GRIA4: variants seen among roughly 807,000 people sequenced by gnomAD.
GRIA4 encodes the protein glutamate receptor 4.
A neutral mutation model predicts 104.0 loss-of-function variants in GRIA4; 34 were observed. The observed-to-expected ratio is 0.33, with a 90% CI of 0.25 to 0.44. GRIA4 has a LOEUF of 0.44. Ranked by LOEUF, GRIA4 falls within the 20% of genes least tolerant of loss-of-function variation. The pLI is 1.00. For missense variants in GRIA4, 750 were observed against 1,096.5 expected, an observed-to-expected ratio of 0.68 and a Z score of 4.46; for synonymous variants, 386 against 381.9, an observed-to-expected ratio of 1.01 and a Z score of -0.13.
At chr11:105,666,375 AAGG>A (rs1361835658) in intron 3 of GRIA4, among the ~76,000 whole-genome samples, 3 of 151,978 alleles carry the variant, frequency 2.0e-5, no homozygotes, top group Admixed American at 6.6e-5. Flanking sequence ...ATGGAGAGGT[AAGG>A]AAAAGACAAG....
rs146629640 is a variant in GRIA4, at chr11:105,688,289, C to T, written c.248-64692C>T. On this transcript the variant is annotated intron_variant, in intron 3 of 16. Transcript: ENST00000282499. ...AAAATAAAGTGGTGGCTGGGCACGGCGGCTCACACCTGTAATCCCAGCACT... is the reference window on the plus strand; with the variant it reads ...AAAATAAAGTGGTGGCTGGGCACGGTGGCTCACACCTGTAATCCCAGCACT... 1.1e-3 allele frequency among the ~76,000 whole-genome samples: 174 copies of T among 152,028 alleles called. 2 individuals are homozygous for T. The East Asian group carries it at 0.03, about 26-fold the overall frequency.
chr11:105,705,978 T>C (rs1314856020), intron 3 of GRIA4, among the ~76,000 whole-genome samples: 1 of 152,210 alleles, frequency 6.6e-6, no homozygotes, highest in Non-Finnish European at 1.5e-5. Flanking sequence ...TTGCAAAATA[T>C]TGGAAATGAA....
intron 10 of GRIA4, chr11:105,913,049 TTA>T (rs1256413965): frequency 5.6e-6 from 5 of 892,806 alleles, no homozygotes; most frequent in Non-Finnish European, 6.7e-6. Context: ...ATGTTCTTAT[TTA>T]TATGTTGATA....
intron 3 of GRIA4, among the ~76,000 whole-genome samples, chr11:105,673,488 A>T (rs1284323381): frequency 2.0e-5 from 3 of 152,162 alleles, no homozygotes; most frequent in Admixed American, 6.6e-5. Context: ...TAGATTGGCA[A>T]AATATAAAAC....
chr11:105,694,346 A>G (rs1203844797), intron 3 of GRIA4, among the ~76,000 whole-genome samples: 1 of 151,948 alleles, frequency 6.6e-6, no homozygotes, highest in Non-Finnish European at 1.5e-5. Context: ...GAGGGATTTC[A>G]CCATGTTGGC....
At chr11:105,642,874 G>C (rs1282122740) in intron 3 of GRIA4, among the ~76,000 whole-genome samples, 6 of 152,140 alleles carry the variant, frequency 3.9e-5, no homozygotes, top group African/African-American at 1.4e-4. Context: ...AGACATACCA[G>C]AGACTGAGTA....
chr11:105,950,368 G>A (rs1409990757), intron 14 of GRIA4, among the ~76,000 whole-genome samples: 1 of 152,180 alleles, frequency 6.6e-6, no homozygotes, highest in Non-Finnish European at 1.5e-5. Context: ...AAAATTCAAA[G>A]ATGAGACTGA....
At chr11:105,645,220 T>C (rs1485666728) in intron 3 of GRIA4, among the ~76,000 whole-genome samples, 1 of 152,134 alleles carries the variant, frequency 6.6e-6, no homozygotes, top group Non-Finnish European at 1.5e-5. Context: ...TTTACATAAG[T>C]CCCATTAAAA....
chr11:105,961,332 G>A (rs1591490144), intron 14 of GRIA4, among the ~76,000 whole-genome samples: 2 of 152,080 alleles, frequency 1.3e-5, no homozygotes, highest in South Asian at 2.1e-4. Context: ...ATCTATCCAT[G>A]TTTTTTGCTG....
chr11:105,910,804 C>G (rs985115896), intron 10 of GRIA4, among the ~76,000 whole-genome samples: 1 of 152,030 alleles, frequency 6.6e-6, no homozygotes, highest in Non-Finnish European at 1.5e-5. Flanking sequence ...CTGTCAAACT[C>G]TAGTTGGAAA....
chr11:105,786,836 A>T (rs148893138), intron 4 of GRIA4, among the ~76,000 whole-genome samples: 1 of 152,318 alleles, frequency 6.6e-6, no homozygotes, highest in Admixed American at 6.5e-5. Flanking sequence ...GACTGCAAAC[A>T]TGCTATTATA....
intron 3 of GRIA4, among the ~76,000 whole-genome samples, chr11:105,648,353 A>C (rs1046552898): frequency 6.6e-6 from 1 of 151,566 alleles, no homozygotes; most frequent in African/African-American, 2.4e-5. Context: ...AAAGTATAGA[A>C]TAAGATTATA....
chr11:105,644,778 C>T (rs1951478251), intron 3 of GRIA4, among the ~76,000 whole-genome samples: 1 of 151,938 alleles, frequency 6.6e-6, no homozygotes, highest in African/African-American at 2.4e-5. Flanking sequence ...AAATGATAGC[C>T]CACACTGTTA....
chr11:105,876,131 T>C (rs1169074774), intron 5 of GRIA4, among the ~76,000 whole-genome samples: 1 of 152,186 alleles, frequency 6.6e-6, no homozygotes, highest in East Asian at 1.9e-4. Context: ...TCTCACTGGT[T>C]TCAAATAACT....
intron 3 of GRIA4, among the ~76,000 whole-genome samples, chr11:105,625,086 T>C (rs1388087232): frequency 6.6e-6 from 1 of 152,074 alleles, no homozygotes; most frequent in African/African-American, 2.4e-5. Context: ...TCCTTTTTGG[T>C]AGTCTCTGTA....
chr11:105,658,694 T>G (rs1032713918), intron 3 of GRIA4, among the ~76,000 whole-genome samples: 1 of 151,810 alleles, frequency 6.6e-6, no homozygotes, highest in African/African-American at 2.4e-5. Flanking sequence ...CAAGAAGAAA[T>G]GTATAGGGAT....
chr11:105,971,952 C>T lies in GRIA4; in HGVS notation c.2333C>T (p.Ala778Val). ...CTTGCCGTTTTGAAACTCAGTGAGG[C>T]AGGCGTCTTAGACAAGCTGAAAAAC... ...VNLAVLKLSE[A>V]GVLDKLKNKW... The change falls in exon 15 of 17, where the codon GCA becomes GTA. Residue 778 changes from alanine to valine, a missense_variant. Transcript: ENST00000282499. The T allele has an allele frequency of 6.2e-7, 1 of 1,612,570 alleles. No homozygotes were observed. Among genetic ancestry groups the T allele is most frequent in the Non-Finnish European group, 8.5e-7 (1 of 1,178,924 alleles).
At chr11:105,686,802 G>A (rs992228711) in intron 3 of GRIA4, among the ~76,000 whole-genome samples, 2 of 152,022 alleles carry the variant, frequency 1.3e-5, no homozygotes, top group Admixed American at 6.6e-5. Flanking sequence ...CTGTAGTTTC[G>A]ATTTGTATTT....
At chr11:105,806,227 C>G (rs181997056) in intron 4 of GRIA4, among the ~76,000 whole-genome samples, 1 of 151,888 alleles carries the variant, frequency 6.6e-6, no homozygotes, top group East Asian at 1.9e-4. Flanking sequence ...GAGATATGTT[C>G]ATATCCCCAC....
Sources: gnomAD v4.1 joint callset for allele counts (sites outside exome capture counted in the v4.1 genomes callset) on GRCh38, gnomAD v4.1.1 for gene constraint, MANE v1.5 for transcripts, NCBI Gene and HGNC (gene_info 2026-07-23, HGNC 2026-07-21) for gene names.